The following FANCC variants were observed in gnomAD, a reference collection of about 807,000 sequenced individuals.
FANCC encodes Fanconi anemia group C protein.
A neutral mutation model predicts 71.3 loss-of-function variants in FANCC; 55 were observed. That is an observed-to-expected ratio of 0.77 (90% confidence interval 0.62 to 0.97). The LOEUF (loss-of-function observed/expected upper bound fraction) is 0.97, where lower values mean the gene tolerates loss of function less well. Ranked by LOEUF, FANCC falls within the 50% of genes least tolerant of loss-of-function variation. The probability of loss-of-function intolerance (pLI) is 0.00; values close to 1 mark genes in which losing one functional copy is unlikely to be tolerated. For synonymous variants in FANCC, 275 were observed against 244.9 expected (o/e 1.12, Z -1.15); for missense variants, 678 against 670.9 (o/e 1.01, Z -0.12).
At chr9:95,212,515 T>C (rs377073881) in intron 4 of FANCC, among the ~76,000 whole-genome samples, 4 of 150,882 alleles carry the variant, frequency 2.7e-5, no homozygotes, top group African/African-American at 7.3e-5. Flanking sequence ...CATGCAAAAA[T>C]GAAGGTGAAA....
intron 4 of FANCC, among the ~76,000 whole-genome samples, chr9:95,173,032 A>C (rs1564721617): frequency 6.6e-6 from 1 of 152,262 alleles, no homozygotes; most frequent in Non-Finnish European, 1.5e-5. Flanking sequence ...ATAACAATGA[A>C]TATGAATAGA....
chr9:95,251,476 C>T (rs1478593414), intron 1 of FANCC, among the ~76,000 whole-genome samples: 2 of 151,984 alleles, frequency 1.3e-5, no homozygotes, highest in African/African-American at 2.4e-5. Flanking sequence ...CAACCACGCC[C>T]GGCTAATTTT....
At chr9:95,181,126 A>C (rs1191059281) in intron 4 of FANCC, among the ~76,000 whole-genome samples, 10 of 147,866 alleles carry the variant, frequency 6.8e-5, no homozygotes, top group Admixed American at 1.4e-4. Context: ...TCTCCTCTCT[A>C]TATATACACA....
intron 4 of FANCC, among the ~76,000 whole-genome samples, chr9:95,225,058 TA>T (rs1290175047): frequency 6.6e-6 from 1 of 152,188 alleles, no homozygotes; most frequent in Non-Finnish European, 1.5e-5. Context: ...AGACAAAGTA[TA>T]ATAATCTCTA....
At chr9:95,309,318 A>G (rs1035388101) in intron 1 of FANCC, among the ~76,000 whole-genome samples, 17 of 152,230 alleles carry the variant, frequency 1.1e-4, no homozygotes, top group African/African-American at 4.8e-5. Context: ...GCATGCTGTT[A>G]TACCAATAAT....
chr9:95,274,743 T>C (rs541209755), intron 1 of FANCC, among the ~76,000 whole-genome samples: 1 of 152,324 alleles, frequency 6.6e-6, no homozygotes, highest in East Asian at 1.9e-4. Flanking sequence ...ATTTATCATT[T>C]GTCCAGAAGT....
intron 7 of FANCC, among the ~76,000 whole-genome samples, chr9:95,141,685 C>A (rs1399374219): frequency 6.6e-6 from 1 of 152,112 alleles, no homozygotes; most frequent in East Asian, 1.9e-4. Context: ...AGTTAGGCTC[C>A]TTTTTTGGGG....
At chr9:95,305,420 T>G (rs917092850) in intron 1 of FANCC, among the ~76,000 whole-genome samples, 1 of 152,210 alleles carries the variant, frequency 6.6e-6, no homozygotes, top group Non-Finnish European at 1.5e-5. Context: ...TGGTACAGGT[T>G]TTGAATGCTT....
intron 1 of FANCC, among the ~76,000 whole-genome samples, chr9:95,263,492 G>GTA (rs1554861913): frequency 6.9e-6 from 1 of 145,398 alleles, no homozygotes; most frequent in African/African-American, 2.5e-5. Flanking sequence ...GTGTGTGTGT[G>GTA]TATGTATGTG....
intron 1 of FANCC, among the ~76,000 whole-genome samples, chr9:95,302,560 G>C (rs1296012089): frequency 6.6e-6 from 1 of 152,226 alleles, no homozygotes; most frequent in East Asian, 1.9e-4. Context: ...TCTGTTCCGA[G>C]AAATTCCAGA....
At chr9:95,105,613 C>A (rs900042112) in intron 14 of FANCC, among the ~76,000 whole-genome samples, 6 of 152,142 alleles carry the variant, frequency 3.9e-5, no homozygotes, top group African/African-American at 1.4e-4. Context: ...CAGCACTGGC[C>A]GTCTCCTGCC....
At chr9:95,247,393 A>C in intron 3 of FANCC, 39 bp downstream of exon 3, 1 of 1,458,064 alleles carries the variant, frequency 6.9e-7, no homozygotes, top group Non-Finnish European at 9.6e-7. Flanking sequence ...TGCAAAGATT[A>C]AAATAGCCAT....
intron 6 of FANCC, among the ~76,000 whole-genome samples, chr9:95,160,852 T>G (rs1020235925): frequency 6.6e-6 from 1 of 152,222 alleles, no homozygotes; most frequent in African/African-American, 2.4e-5. Flanking sequence ...TGTATAGGAA[T>G]GCTTGTGATT....
In FANCC at chr9:95,125,186, C is replaced by T. The variant is rs1588101086; in HGVS notation, c.897-1G>A. 6.2e-7 allele frequency: 1 copy of T among 1,612,656 alleles called. No homozygotes were observed. The highest frequency in any genetic ancestry group is 8.5e-7 in the Non-Finnish European group (1 of 1,178,654). On this transcript the variant is annotated splice_acceptor_variant, in intron 9 of 14. Transcript: ENST00000289081. LOFTEE classifies it high-confidence loss of function. The stretch of plus-strand genomic sequence containing the variant: ...CCCATCGGTTTCCAGGAGTGCACAC[C>T]TGAACAATGCAAAGTCAGATCAGAA...
At position 95,240,656 on chromosome 9, in the gene FANCC, C is replaced by G. The variant is rs1064793405; in HGVS notation, c.338G>C (p.Trp113Ser). ...CAAGATTTACTCTCTTACCTGTATC[C>G]AGGAGTTAAGTTTTGATTGTCCAGA... is the stretch of plus-strand genomic sequence containing the variant. ...QNSGQSKLNS[W>S]IQGVLSHILS... is the part of the protein sequence containing the mutation. The change falls in exon 4 of 15, where the codon TGG becomes TCG. Residue 113 changes from tryptophan (W) to serine (S), a missense_variant. Trp to Ser is a radical substitution (Grantham distance 177, BLOSUM62 -3). Transcript: ENST00000289081. The G allele has an allele frequency of 6.2e-7, 1 of 1,602,570 alleles. No homozygotes were observed. The highest frequency in any genetic ancestry group is 1.3e-5 in the African/African-American group (1 of 74,668).
Position 95,114,915 on chromosome 9 carries a change from G to A in FANCC, c.1073-205C>T, listed in dbSNP as rs546076249. On this transcript the variant is annotated intron_variant, in intron 11 of 14. Coordinates refer to ENST00000289081, the MANE Select transcript of FANCC (RefSeq NM_000136.3). ...AGATCTGTCCATGTCACACAGAGTT[G>A]AACATCAAAGAATCTAATCTTTTAA... is the stretch of plus-strand genomic sequence containing the variant. 5.9e-5 allele frequency among the ~76,000 whole-genome samples: 9 copies of A among 152,260 alleles called. No individual in the cohort carries two copies. In the East Asian group the frequency reaches 1.7e-3, roughly 29 times the overall value.
At chr9:95,279,798 A>C (rs1488437317) in intron 1 of FANCC, among the ~76,000 whole-genome samples, 1 of 151,980 alleles carries the variant, frequency 6.6e-6, no homozygotes, top group Non-Finnish European at 1.5e-5. Flanking sequence ...AAATACAAAA[A>C]TTAGCTGGCT....
chr9:95,292,146 AAC>A (rs1410148876), intron 1 of FANCC, among the ~76,000 whole-genome samples: 1 of 149,582 alleles, frequency 6.7e-6, no homozygotes, highest in African/African-American at 2.4e-5. Context: ...CAGAAAAGAG[AAC>A]ACACTTACAG....
At chr9:95,305,493 T>C (rs1212256635) in intron 1 of FANCC, among the ~76,000 whole-genome samples, 1 of 152,198 alleles carries the variant, frequency 6.6e-6, no homozygotes, top group African/African-American at 2.4e-5. Context: ...CACTTTAGAA[T>C]AAAATTCCTT....
Sources: allele counts gnomAD v4.1 joint callset (sites outside exome capture counted in the v4.1 genomes callset), GRCh38; gene constraint gnomAD v4.1.1; transcripts MANE v1.5; gene names NCBI Gene and HGNC (gene_info 2026-07-23, HGNC 2026-07-21).